The following GLIS3 variants were observed in gnomAD, a reference collection of about 807,000 sequenced individuals.
GLIS3 encodes GLIS family zinc finger 3, also known as zinc finger protein GLIS3.
Under a neutral mutation model 78.6 loss-of-function variants are expected in GLIS3, and 53 were observed. The ratio of observed to expected loss-of-function variants is 0.67; its 90% CI spans 0.54 to 0.85. The LOEUF is 0.85. Among genes scored for constraint, GLIS3 ranks in the 40% least tolerant of loss-of-function variants. The pLI, the probability that GLIS3 is intolerant of heterozygous loss-of-function variation, is 0.00. For missense variants in GLIS3, 1,703 were observed against 1,231.1 expected, an observed-to-expected ratio of 1.38 and a Z score of -5.74; for synonymous variants, 684 against 509.9, an observed-to-expected ratio of 1.34 and a Z score of -4.60.
chr9:3,896,444 C>G (rs563327776), intron 7 of GLIS3, among the ~76,000 whole-genome samples: 1 of 151,950 alleles, frequency 6.6e-6, no homozygotes, highest in South Asian at 2.1e-4. Flanking sequence ...GTGGGTGGAT[C>G]ACCTGAGGTC....
the GLIS3 span, among the ~76,000 whole-genome samples, chr9:4,383,802 T>G: frequency 6.6e-6 from 1 of 152,224 alleles, no homozygotes; most frequent in Non-Finnish European, 1.5e-5. Flanking sequence ...ACCACAAACT[T>G]CTATGTTCAG....
At chr9:3,960,795 T>G (rs770050099) in intron 4 of GLIS3, among the ~76,000 whole-genome samples, 94 of 152,202 alleles carry the variant, frequency 6.2e-4, no homozygotes, top group Non-Finnish European at 1.0e-3. Context: ...TACAAAAATT[T>G]TGCTCTTTGC....
rs775602859 is a variant in GLIS3, at chr9:4,286,256, T to C, written c.170A>G (p.Asn57Ser). The C allele has an allele frequency of 1.9e-6, 3 of 1,614,092 alleles. No individual in the cohort carries two copies. Among genetic ancestry groups the C allele is most frequent in the East Asian group, 4.5e-5 (2 of 44,862 alleles). ...SSPTMASLANNLHLKMPSGGG... is the reference protein window; with the variant it reads ...SSPTMASLANSLHLKMPSGGG... ...TCCTGAGGGCATCTTGAGATGGAGG[T>C]TGTTAGCAAGGCTTGCCATAGTGGG... The change falls in exon 2 of 11, where the codon AAC (asparagine) becomes AGC (serine). Residue 57 changes from asparagine to serine, a missense_variant. Asn to Ser is a conservative substitution (Grantham distance 46). Coordinates refer to ENST00000381971, the MANE Select transcript of GLIS3 (RefSeq NM_001042413.2).
intron 2 of GLIS3, among the ~76,000 whole-genome samples, chr9:4,195,661 G>A (rs1818763174): frequency 6.6e-6 from 1 of 152,280 alleles, no homozygotes; most frequent in Admixed American, 6.5e-5. Flanking sequence ...GACCGCCCAA[G>A]GGCTATGGCA....
At chr9:4,084,296 A>ACACACACACACAC (rs1564025137) in intron 4 of GLIS3, among the ~76,000 whole-genome samples, 3 of 48,758 alleles carry the variant, frequency 6.2e-5, no homozygotes, top group Non-Finnish European at 1.6e-4. Context: ...CACACACACA[A>ACACACACACACAC]ATTCCTAGCC....
At chr9:4,201,576 G>A (rs538236481) in intron 2 of GLIS3, among the ~76,000 whole-genome samples, 28 of 152,054 alleles carry the variant, frequency 1.8e-4, no homozygotes, top group African/African-American at 5.8e-4. Flanking sequence ...AACAAAATCC[G>A]AGTCACAATA....
At chr9:4,365,514 C>G in the GLIS3 span, among the ~76,000 whole-genome samples, 1 of 151,872 alleles carries the variant, frequency 6.6e-6, no homozygotes, top group Non-Finnish European at 1.5e-5. Flanking sequence ...CAAGATCATG[C>G]CACTGCACTC....
At chr9:3,889,161 T>C (rs2130532765) in intron 7 of GLIS3, among the ~76,000 whole-genome samples, 1 of 152,300 alleles carries the variant, frequency 6.6e-6, no homozygotes, top group South Asian at 2.1e-4. Flanking sequence ...TTTGCCAGCC[T>C]TTAGCACCTC....
At chr9:4,048,587 C>T (rs1825448504) in intron 4 of GLIS3, among the ~76,000 whole-genome samples, 1 of 152,114 alleles carries the variant, frequency 6.6e-6, no homozygotes, top group African/African-American at 2.4e-5. Context: ...GCTCTGAAGC[C>T]AATGACCTAA....
At chr9:4,339,699 A>G (rs547812834) in intron 2 of GLIS3, among the ~76,000 whole-genome samples, 1 of 139,412 alleles carries the variant, frequency 7.2e-6, no homozygotes, top group Non-Finnish European at 1.5e-5. Context: ...TTTCAAAGCC[A>G]GATAACAATG....
At chr9:4,355,198 A>C in the GLIS3 span, among the ~76,000 whole-genome samples, 1 of 152,204 alleles carries the variant, frequency 6.6e-6, no homozygotes, top group South Asian at 2.1e-4. Context: ...GTAGAGTTGG[A>C]AAGTGTCCTG....
intron 2 of GLIS3, among the ~76,000 whole-genome samples, chr9:4,164,115 G>C (rs956537749): frequency 6.6e-6 from 1 of 152,198 alleles, no homozygotes; most frequent in African/African-American, 2.4e-5. Context: ...GATGTTATGA[G>C]TCCACATTTA....
intron 9 of GLIS3, among the ~76,000 whole-genome samples, chr9:3,832,028 T>G (rs1258967524): frequency 6.6e-6 from 1 of 151,920 alleles, no homozygotes; most frequent in Non-Finnish European, 1.5e-5. Context: ...ATCCTGGGGT[T>G]CAAATCCTAG....
At chr9:4,236,052 C>G (rs1197337522) in intron 2 of GLIS3, among the ~76,000 whole-genome samples, 1 of 151,872 alleles carries the variant, frequency 6.6e-6, no homozygotes, top group Non-Finnish European at 1.5e-5. Context: ...AGTCATTGTT[C>G]CTAGTAAAAC....
chr9:3,903,790 G>A (rs1304100791), intron 6 of GLIS3, among the ~76,000 whole-genome samples: 3 of 152,206 alleles, frequency 2.0e-5, no homozygotes, highest in Non-Finnish European at 2.9e-5. Flanking sequence ...AGGTAGATGA[G>A]ATTGGGAGTG....
the GLIS3 span, among the ~76,000 whole-genome samples, chr9:4,490,126 G>A: frequency 6.6e-6 from 1 of 152,210 alleles, no homozygotes; most frequent in Non-Finnish European, 1.5e-5. Context: ...AGAGGGAGAC[G>A]TGCAGGATGA....
chr9:4,441,051 G>C, the GLIS3 span, among the ~76,000 whole-genome samples: 1 of 151,698 alleles, frequency 6.6e-6, no homozygotes, highest in African/African-American at 2.4e-5. Flanking sequence ...ACAGCTTTTT[G>C]GCACAGTCTT....
At chr9:4,103,397 A>C (rs1332947689) in intron 4 of GLIS3, among the ~76,000 whole-genome samples, 1 of 152,106 alleles carries the variant, frequency 6.6e-6, no homozygotes, top group African/African-American at 2.4e-5. Context: ...CAGAGCAGGC[A>C]CTCTAAGGAG....
At chr9:4,398,522 T>C in the GLIS3 span, among the ~76,000 whole-genome samples, 9 of 151,856 alleles carry the variant, frequency 5.9e-5, no homozygotes, top group African/African-American at 4.9e-5. Context: ...CTGGAGAACA[T>C]TGCCTCCTTC....
Sources: gnomAD v4.1 joint callset for allele counts (sites outside exome capture counted in the v4.1 genomes callset) on GRCh38, gnomAD v4.1.1 for gene constraint, MANE v1.5 for transcripts, NCBI Gene and HGNC (gene_info 2026-07-23, HGNC 2026-07-21) for gene names.